RANBP2: variants seen among roughly 807,000 people sequenced by gnomAD.
The protein encoded by RANBP2 is RAN binding protein 2.
A neutral mutation model predicts 303.6 loss-of-function variants in RANBP2; 57 were observed. The observed-to-expected ratio is 0.19, with a 90% confidence interval of 0.15 to 0.23. The LOEUF (loss-of-function observed/expected upper bound fraction) is 0.23, where lower values mean the gene tolerates loss of function less well. RANBP2 is among the 10% of genes least tolerant of loss of function. The pLI is 1.00. For missense variants in RANBP2, 3,138 were observed against 3,780.8 expected (o/e 0.83, Z 4.46); for synonymous variants, 1,167 against 1,301.5 (o/e 0.90, Z 2.23).
intron 11 of RANBP2, 36 bp downstream of exon 11, chr2:108,751,739 T>G: frequency 6.2e-7 from 1 of 1,611,656 alleles, no homozygotes; most frequent in Non-Finnish European, 8.5e-7. Context: ...TTTCACTTAG[T>G]GCGTAGGTTT....
chr2:109,490,724 C>G, the RANBP2 span: 24 of 1,535,586 alleles, frequency 1.6e-5, no homozygotes, highest in South Asian at 2.4e-5. Flanking sequence ...ACGCCCTGCT[C>G]CAAGGTGCAG....
chr2:109,316,180 T>A, the RANBP2 span, among the ~76,000 whole-genome samples: 1 of 152,212 alleles, frequency 6.6e-6, no homozygotes, highest in East Asian at 1.9e-4. Context: ...GCTGAACTTT[T>A]GGGCCTGGGG....
intron 6 of RANBP2, among the ~76,000 whole-genome samples, chr2:108,739,632 C>T (rs1011287559): frequency 2.0e-5 from 3 of 152,128 alleles, no homozygotes; most frequent in African/African-American, 7.2e-5. Context: ...TTTTACTTTT[C>T]TTCCAAAGTG....
chr2:109,173,005 G>A, the RANBP2 span, among the ~76,000 whole-genome samples: 1 of 152,254 alleles, frequency 6.6e-6, no homozygotes, highest in Non-Finnish European at 1.5e-5. Flanking sequence ...GCAGATGTCA[G>A]TAAGACTTCC....
Position 108,752,003 on chromosome 2 carries a change from T to C in RANBP2, c.1755+9T>C. On this transcript the variant is annotated intron_variant, in intron 12 of 28. Transcript: ENST00000283195. ...AATGCCTTCAGAAAACGGTGAGTTT[T>C]AAAGTATAAGCATTTTTAAAGAACA... The C allele has an allele frequency of 6.2e-7, 1 of 1,611,934 alleles. No individual in the cohort carries two copies. The highest frequency in any genetic ancestry group is 8.5e-7 in the Non-Finnish European group (1 of 1,179,840).
chr2:109,287,238 T>C, the RANBP2 span, among the ~76,000 whole-genome samples: 1 of 152,236 alleles, frequency 6.6e-6, no homozygotes, highest in African/African-American at 2.4e-5. Flanking sequence ...TGCTCGGGTC[T>C]AGCGAATGGC....
chr2:109,640,614 C>A, the RANBP2 span, among the ~76,000 whole-genome samples: 8 of 152,248 alleles, frequency 5.3e-5, no homozygotes, highest in South Asian at 1.7e-3. Context: ...CTCTGAGGGC[C>A]TCGCGGGACT....
At chr2:108,959,071 G>GA in the RANBP2 span, among the ~76,000 whole-genome samples, 1 of 152,258 alleles carries the variant, frequency 6.6e-6, no homozygotes, top group African/African-American at 2.4e-5. Context: ...GTTAGAGCCA[G>GA]AAAAACGTGT....
the RANBP2 span, among the ~76,000 whole-genome samples, chr2:109,548,115 C>G: frequency 6.8e-6 from 1 of 147,898 alleles, no homozygotes; most frequent in Non-Finnish European, 1.5e-5. Flanking sequence ...GTTCTGCATG[C>G]AGTTCAGAGA....
the RANBP2 span, among the ~76,000 whole-genome samples, chr2:109,470,073 G>A: frequency 6.6e-6 from 1 of 152,156 alleles, no homozygotes; most frequent in Non-Finnish European, 1.5e-5. Flanking sequence ...TCTGGTGGTG[G>A]GCAACCACAG....
chr2:109,525,274 C>T, the RANBP2 span, among the ~76,000 whole-genome samples: 12 of 152,218 alleles, frequency 7.9e-5, 1 homozygote, highest in East Asian at 9.7e-4. Context: ...TCTGCCTCAG[C>T]CTCCTGAGTA....
At chr2:109,283,752 C>T in the RANBP2 span, among the ~76,000 whole-genome samples, 93 of 152,284 alleles carry the variant, frequency 6.1e-4, no homozygotes, top group African/African-American at 1.9e-3. Context: ...AGAGGTGCTA[C>T]GTGCTGGATT....
At chr2:108,719,984 C>G (rs914886716) in intron 1 of RANBP2, 1 of 985,022 alleles carries the variant, frequency 1.0e-6, no homozygotes, top group Non-Finnish European at 1.2e-6. Context: ...CGATCGCGCA[C>G]CCCGTAGTAC....
the RANBP2 span, chr2:109,614,907 C>T: frequency 6.9e-6 from 10 of 1,450,914 alleles, no homozygotes; most frequent in Admixed American, 2.3e-4. Context: ...GGGAGAGCCC[C>T]CCGCCCCCGC....
intron 17 of RANBP2, among the ~76,000 whole-genome samples, chr2:108,756,444 A>G (rs1366851469): frequency 6.6e-6 from 1 of 152,234 alleles, no homozygotes; most frequent in East Asian, 1.9e-4. Flanking sequence ...AATTACTCAT[A>G]CTGCTAAGGT....
At chr2:109,607,654 T>C in the RANBP2 span, among the ~76,000 whole-genome samples, 1 of 152,182 alleles carries the variant, frequency 6.6e-6, no homozygotes, top group Admixed American at 6.5e-5. Flanking sequence ...AAATGTAATT[T>C]TTCTCCTGAG....
At chr2:109,174,188 A>G in the RANBP2 span, among the ~76,000 whole-genome samples, 1 of 152,262 alleles carries the variant, frequency 6.6e-6, no homozygotes. Context: ...GAAGGTAGCC[A>G]TGGATGTCCC....
the RANBP2 span, among the ~76,000 whole-genome samples, chr2:109,694,057 T>C: frequency 1.3e-5 from 2 of 152,184 alleles, no homozygotes; most frequent in Middle Eastern, 3.2e-3. Flanking sequence ...TGAGTATCTC[T>C]TATAATGTGG....
the RANBP2 span, among the ~76,000 whole-genome samples, chr2:109,434,775 G>A: frequency 2.0e-5 from 3 of 152,222 alleles, no homozygotes; most frequent in Non-Finnish European, 4.4e-5. Flanking sequence ...TCCCTGGGCC[G>A]CAATAGCCAT....
Sources: allele counts gnomAD v4.1 joint callset (sites outside exome capture counted in the v4.1 genomes callset), GRCh38; gene constraint gnomAD v4.1.1; transcripts MANE v1.5; gene names NCBI Gene and HGNC (gene_info 2026-07-23, HGNC 2026-07-21).